ELMO1: variants seen among roughly 807,000 people sequenced by gnomAD.
ELMO1 encodes engulfment and cell motility protein 1.
Under a neutral mutation model 98.9 loss-of-function variants are expected in ELMO1, and 26 were observed. The observed-to-expected ratio is 0.26, with a 90% CI of 0.19 to 0.36. The LOEUF (loss-of-function observed/expected upper bound fraction) is 0.36, where lower values mean the gene tolerates loss of function less well. Ranked by LOEUF, ELMO1 falls within the 10% of genes least tolerant of loss-of-function variation. The pLI is 1.00. For missense variants in ELMO1, 627 were observed against 935.2 expected, an observed-to-expected ratio of 0.67 and a Z score of 4.30; for synonymous variants, 346 against 346.0, an observed-to-expected ratio of 1.00 and a Z score of 0.00.
chr7:36,864,010 G>C (rs1414501443), intron 20 of ELMO1, among the ~76,000 whole-genome samples: 2 of 152,340 alleles, frequency 1.3e-5, no homozygotes, highest in Non-Finnish European at 2.9e-5. Context: ...TGAACAACCA[G>C]TCAGGATATT....
At chr7:37,222,133 T>A (rs1793630337) in intron 10 of ELMO1, among the ~76,000 whole-genome samples, 1 of 152,338 alleles carries the variant, frequency 6.6e-6, no homozygotes, top group East Asian at 1.9e-4. Context: ...GCCATCTGCA[T>A]ATTATCCCTC....
chr7:37,273,903 C>G (rs770565768), intron 4 of ELMO1, among the ~76,000 whole-genome samples: 8 of 152,168 alleles, frequency 5.3e-5, no homozygotes, highest in Non-Finnish European at 1.2e-4. Context: ...AATGAATTTT[C>G]TAAAAGAACC....
intron 6 of ELMO1, among the ~76,000 whole-genome samples, chr7:37,250,078 C>G (rs1018519840): frequency 2.0e-5 from 3 of 150,734 alleles, no homozygotes; most frequent in African/African-American, 4.9e-5. Context: ...GACTCTGACT[C>G]AAAAAAAAGT....
intron 1 of ELMO1, among the ~76,000 whole-genome samples, chr7:37,370,452 G>T (rs1802072694): frequency 6.6e-6 from 1 of 151,948 alleles, no homozygotes; most frequent in Non-Finnish European, 1.5e-5. Flanking sequence ...TCTATATTTT[G>T]TTATAAAGGT....
intron 2 of ELMO1, among the ~76,000 whole-genome samples, chr7:37,323,044 G>C (rs1222338729): frequency 1.3e-5 from 2 of 152,118 alleles, no homozygotes; most frequent in Non-Finnish European, 2.9e-5. Context: ...AGGCCCATAA[G>C]CACGGAGGCC....
chr7:37,319,549 C>T (rs1426420864), intron 2 of ELMO1, among the ~76,000 whole-genome samples: 1 of 152,154 alleles, frequency 6.6e-6, no homozygotes, highest in Non-Finnish European at 1.5e-5. Context: ...GAGTACCAGC[C>T]CATCATTAAT....
chr7:37,370,446 T>C (rs1802072328), intron 1 of ELMO1, among the ~76,000 whole-genome samples: 1 of 152,204 alleles, frequency 6.6e-6, no homozygotes, highest in Non-Finnish European at 1.5e-5. Context: ...TGTTGATCTA[T>C]ATTTTGTTAT....
At chr7:37,412,048 AC>A (rs1562674535) in intron 1 of ELMO1, among the ~76,000 whole-genome samples, 6 of 152,192 alleles carry the variant, frequency 3.9e-5, no homozygotes, top group African/African-American at 1.2e-4. Context: ...ACACAAAAAC[AC>A]ACACACACAA....
intron 16 of ELMO1, among the ~76,000 whole-genome samples, chr7:36,900,231 A>G (rs1481057288): frequency 6.6e-6 from 1 of 152,222 alleles, no homozygotes; most frequent in African/African-American, 2.4e-5. Context: ...TATGGCATCT[A>G]CAACTTCCAG....
Position 37,161,935 on chromosome 7 carries a change from T to A in ELMO1, c.1087-28701A>T, listed in dbSNP as rs1192877678. On this transcript the variant is annotated intron_variant, in intron 13 of 21. Transcript: ENST00000310758. Reference sequence around the variant, plus strand: ...ATATATATATATATATATATATATATGTTAAGCGTGATGTAATCTTCCACA... The same window carrying A: ...ATATATATATATATATATATATATAAGTTAAGCGTGATGTAATCTTCCACA... Among the ~76,000 whole-genome samples the A allele has an allele frequency of 3.1e-4, 37 of 118,636 alleles. 2 individuals are homozygous for A. Among genetic ancestry groups the A allele is most frequent in the African/African-American group, 9.0e-4 (31 of 34,628 alleles). The allele number at this position is 118,636 out of a possible 152,430, so 77.8% of individuals were successfully genotyped here. A position where few individuals can be genotyped will look rare whatever the true frequency, so the allele number is the denominator to read the frequency against.
chr7:37,271,977 T>C, intron 4 of ELMO1, 95 bp from the exon 5 acceptor site: 1 of 992,862 alleles, frequency 1.0e-6, no homozygotes, highest in East Asian at 2.4e-5. Context: ...ATAACAGGCA[T>C]TCAGTTTATT....
chr7:36,863,161 A>G (rs1270533244), intron 20 of ELMO1, among the ~76,000 whole-genome samples: 2 of 152,190 alleles, frequency 1.3e-5, no homozygotes, highest in African/African-American at 4.8e-5. Context: ...TCACCTTGAC[A>G]GAAATAGAAA....
At chr7:37,316,101 T>C in intron 2 of ELMO1, 141 bp from the exon 3 acceptor site, 1 of 682,522 alleles carries the variant, frequency 1.5e-6, no homozygotes, top group Non-Finnish European at 2.5e-6. Flanking sequence ...ATGAGTCTCT[T>C]ATTTTTCTCA....
chr7:37,145,276 T>TCA (rs1260212348), intron 13 of ELMO1, among the ~76,000 whole-genome samples: 1 of 152,210 alleles, frequency 6.6e-6, no homozygotes. Context: ...TCAGGAGATC[T>TCA]AGAATCCAGA....
intron 15 of ELMO1, among the ~76,000 whole-genome samples, chr7:37,053,987 G>C (rs777975938): frequency 3.3e-5 from 5 of 152,152 alleles, no homozygotes; most frequent in Non-Finnish European, 7.4e-5. Flanking sequence ...TAAAAAGTCT[G>C]AATGTATAGT....
chr7:36,937,308 G>A (rs1786629004), intron 16 of ELMO1, among the ~76,000 whole-genome samples: 1 of 152,170 alleles, frequency 6.6e-6, no homozygotes, highest in Admixed American at 6.5e-5. Context: ...GTCACACAGG[G>A]AGAACGCCAC....
intron 14 of ELMO1, among the ~76,000 whole-genome samples, chr7:37,099,231 A>T (rs953128675): frequency 1.3e-5 from 2 of 152,246 alleles, no homozygotes; most frequent in Admixed American, 1.3e-4. Flanking sequence ...GTCAAGGCAG[A>T]CACAAATATT....
chr7:37,391,169 C>T (rs1169300985), intron 1 of ELMO1, among the ~76,000 whole-genome samples: 6 of 151,736 alleles, frequency 4.0e-5, no homozygotes, highest in Admixed American at 6.6e-5. Flanking sequence ...CAGGCTGGAG[C>T]GTGGTGGCTC....
At chr7:36,932,904 C>T (rs1786163601) in intron 16 of ELMO1, among the ~76,000 whole-genome samples, 1 of 152,234 alleles carries the variant, frequency 6.6e-6, no homozygotes, top group Non-Finnish European at 1.5e-5. Flanking sequence ...AATGCTTGCT[C>T]TCCATGTCTG....
Sources: gnomAD v4.1 joint callset for allele counts (sites outside exome capture counted in the v4.1 genomes callset) on GRCh38, gnomAD v4.1.1 for gene constraint, MANE v1.5 for transcripts, NCBI Gene and HGNC (gene_info 2026-07-23, HGNC 2026-07-21) for gene names.